Variants in OPHN1 observed in about 807,000 individuals in gnomAD.
OPHN1 encodes the protein oligophrenin-1.
OPHN1 carries 11 observed loss-of-function variants against 60.7 expected under a neutral mutation model. The observed-to-expected ratio is 0.18, with a 90% CI of 0.11 to 0.30. The LOEUF (loss-of-function observed/expected upper bound fraction) is 0.30. Among genes scored for constraint, OPHN1 ranks in the 10% least tolerant of loss-of-function variants. The probability of loss-of-function intolerance (pLI) is 1.00; values close to 1 mark genes in which losing one functional copy is unlikely to be tolerated. For synonymous variants in OPHN1, 226 were observed against 222.6 expected (o/e 1.02, Z -0.14); for missense variants, 449 against 611.0 (o/e 0.73, Z 2.80).
At chrX:68,201,479 G>A in intron 11 of OPHN1, 140 bp downstream of exon 11, 1 of 524,959 alleles carries the variant, frequency 1.9e-6, no homozygotes, top group Non-Finnish European at 3.3e-6. Context: ...AGAAGAGCTG[G>A]CTTGAATAGA....
chrX:68,138,725 A>C, intron 15 of OPHN1, among the ~76,000 whole-genome samples: 1 of 112,453 alleles, frequency 8.9e-6, no homozygotes, highest in Non-Finnish European at 1.9e-5. Flanking sequence ...ATTCCTCACA[A>C]CAGTACTATG....
chrX:68,047,695 C>A (rs1467950077), intron 24 of OPHN1, among the ~76,000 whole-genome samples: 2 of 111,690 alleles, frequency 1.8e-5, no homozygotes, highest in Non-Finnish European at 3.8e-5. Context: ...GTCAAACAAT[C>A]AGAACTCCTA....
chrX:68,393,116 T>C (rs1174333435), intron 2 of OPHN1, among the ~76,000 whole-genome samples: 1 of 112,040 alleles, frequency 8.9e-6, no homozygotes, highest in Non-Finnish European at 1.9e-5. Flanking sequence ...CCTGTTCACC[T>C]GCATGCTCCG....
At chrX:68,201,022 A>G (rs1402998820) in intron 11 of OPHN1, among the ~76,000 whole-genome samples, 5 of 112,017 alleles carry the variant, frequency 4.5e-5, no homozygotes, top group Non-Finnish European at 9.4e-5. Flanking sequence ...GTTCAAGTAA[A>G]AAAAGAGGGC....
chrX:68,212,558 C>A (rs2077589370), intron 7 of OPHN1, among the ~76,000 whole-genome samples: 1 of 111,377 alleles, frequency 9.0e-6, no homozygotes, highest in Non-Finnish European at 1.9e-5. Flanking sequence ...GCACTCTAGC[C>A]TGGGACAGAG....
chrX:68,227,163 C>T (rs918667912), intron 6 of OPHN1, among the ~76,000 whole-genome samples: 1 of 111,433 alleles, frequency 9.0e-6, no homozygotes, highest in South Asian at 3.8e-4. Context: ...ACAAAGAAGG[C>T]CATTACATAA....
chrX:68,107,818 G>A (rs951447883), intron 18 of OPHN1, among the ~76,000 whole-genome samples: 8 of 111,888 alleles, frequency 7.2e-5, no homozygotes, highest in Admixed American at 1.9e-4. Flanking sequence ...ATTACTTAAG[G>A]TGGTGTCTGC....
At chrX:68,256,384 C>T (rs1569259650) in intron 5 of OPHN1, among the ~76,000 whole-genome samples, 1 of 111,501 alleles carries the variant, frequency 9.0e-6, no homozygotes, top group Non-Finnish European at 1.9e-5. Context: ...ACAGGCTGCG[C>T]ATTGTTAGAA....
intron 2 of OPHN1, among the ~76,000 whole-genome samples, chrX:68,391,080 A>G (rs888257967): frequency 9.0e-6 from 1 of 110,516 alleles, no homozygotes; most frequent in East Asian, 2.9e-4. Flanking sequence ...CTTCCTCCCT[A>G]TTATAAGGGC....
chrX:68,232,898 T>C (rs1424052018), intron 6 of OPHN1, among the ~76,000 whole-genome samples: 2 of 109,326 alleles, frequency 1.8e-5, no homozygotes, highest in Non-Finnish European at 3.8e-5. Flanking sequence ...GTCCTTCTCC[T>C]TTGCAATACT....
chrX:68,267,435 A>G (rs1196767838), intron 5 of OPHN1, among the ~76,000 whole-genome samples: 1 of 112,224 alleles, frequency 8.9e-6, no homozygotes, highest in Non-Finnish European at 1.9e-5. Context: ...ACTACTGGGT[A>G]CATAACGAAA....
At chrX:68,228,452 CAA>C (rs755606899) in intron 6 of OPHN1, among the ~76,000 whole-genome samples, 1 of 104,118 alleles carries the variant, frequency 9.6e-6, no homozygotes, top group African/African-American at 3.5e-5. Flanking sequence ...AGAGACACAA[CAA>C]AAAAAAAAGA....
intron 5 of OPHN1, among the ~76,000 whole-genome samples, chrX:68,270,967 G>C (rs925731867): frequency 1.8e-5 from 2 of 110,765 alleles, no homozygotes; most frequent in Non-Finnish European, 3.8e-5. Flanking sequence ...CCTGTTAATG[G>C]GGGATAATAA....
chrX:68,427,142 G>A (rs1233465256), intron 2 of OPHN1, among the ~76,000 whole-genome samples: 1 of 103,702 alleles, frequency 9.6e-6, no homozygotes, highest in Non-Finnish European at 2.0e-5. Context: ...GGTGGCATGC[G>A]CCTGTAGTCC....
chrX:68,332,758 C>T (rs1302716063), intron 2 of OPHN1, among the ~76,000 whole-genome samples: 1 of 109,297 alleles, frequency 9.1e-6, no homozygotes, highest in African/African-American at 3.4e-5. Flanking sequence ...TCTTTATAAC[C>T]TCCCAACCAT....
intron 3 of OPHN1, among the ~76,000 whole-genome samples, chrX:68,284,301 C>T: frequency 9.1e-6 from 1 of 109,810 alleles, no homozygotes; most frequent in Middle Eastern, 4.7e-3. Context: ...TTGATATCAC[C>T]ATATAATATA....
chrX:68,132,102 GATAT>G (rs202179262), intron 15 of OPHN1, among the ~76,000 whole-genome samples: 1,659 of 112,037 alleles, frequency 0.015, 34 homozygotes, highest in African/African-American at 0.051. Flanking sequence ...CATTCAGTCT[GATAT>G]TGGCTGTGGG....
intron 2 of OPHN1, among the ~76,000 whole-genome samples, chrX:68,410,835 C>A (rs1190033508): frequency 1.8e-5 from 2 of 111,649 alleles, no homozygotes; most frequent in African/African-American, 6.5e-5. Context: ...ATATTCACAG[C>A]GGCATTGTTC....
chrX:68,393,885 G>GTTTGTTTTTTTTTTTT (rs2078667077), intron 2 of OPHN1, among the ~76,000 whole-genome samples: 1 of 34,587 alleles, frequency 2.9e-5, no homozygotes, highest in Non-Finnish European at 4.9e-5. Flanking sequence ...AATAGACTTT[G>GTTTGTTTTTTTTTTTT]TTTTTTTTTT....
Sources: gnomAD v4.1 joint callset for allele counts (sites outside exome capture counted in the v4.1 genomes callset) on GRCh38, gnomAD v4.1.1 for gene constraint, MANE v1.5 for transcripts, NCBI Gene and HGNC (gene_info 2026-07-23, HGNC 2026-07-21) for gene names.